Variants in CDK15 observed in about 807,000 individuals in gnomAD.
CDK15 encodes cyclin dependent kinase 15.
In CDK15, 62 loss-of-function variants were observed where a neutral mutation model predicts 60.3. That is an observed-to-expected ratio of 1.03 (90% CI 0.84 to 1.27). The LOEUF is 1.27. Ranked by LOEUF, CDK15 falls within the 50% of genes most tolerant of loss-of-function variation. CDK15 has a pLI of 0.00. For synonymous variants in CDK15, 194 were observed against 195.7 expected, an observed-to-expected ratio of 0.99 and a Z score of 0.07; for missense variants, 541 against 527.8, an observed-to-expected ratio of 1.03 and a Z score of -0.25.
At position 201,830,770 on chromosome 2, in the gene CDK15, G is replaced by C. The variant is rs532947621; in HGVS notation, c.607-3078G>C. ...GTGGCTGGATGGCATTAAAATCCAA[G>C]GGACAGGGGTTTTTACTTAAAAGTA... On this transcript the variant is annotated intron_variant, in intron 6 of 13. Transcript: ENST00000652192. 2.6e-5 allele frequency among the ~76,000 whole-genome samples: 4 copies of C among 152,306 alleles called. No homozygotes were observed. In the East Asian group the frequency reaches 7.7e-4, roughly 29 times the overall value.
chr2:201,831,231 G>T (rs1696738181), intron 6 of CDK15, among the ~76,000 whole-genome samples: 1 of 152,202 alleles, frequency 6.6e-6, no homozygotes, highest in African/African-American at 2.4e-5. Context: ...TTCCAGGGGG[G>T]ATGGAAGGAC....
intron 9 of CDK15, among the ~76,000 whole-genome samples, chr2:201,849,579 G>C (rs1235686500): frequency 6.6e-6 from 1 of 152,092 alleles, no homozygotes; most frequent in Non-Finnish European, 1.5e-5. Context: ...AAAAACACAT[G>C]ATCTGTATTT....
chr2:201,878,119 C>T (rs572947217), intron 11 of CDK15, among the ~76,000 whole-genome samples: 122 of 152,334 alleles, frequency 8.0e-4, no homozygotes, highest in Non-Finnish European at 1.4e-3. Context: ...ACATCAGTCC[C>T]ATGATCAGCT....
At chr2:201,812,184 A>C (rs544111928) in intron 3 of CDK15, among the ~76,000 whole-genome samples, 6,095 of 148,712 alleles carry the variant, frequency 0.041, 221 homozygotes, top group African/African-American at 0.082. Context: ...AAAAAAAAAA[A>C]AAAAAAACAA....
At chr2:201,885,795 A>G (rs977357978) in intron 12 of CDK15, among the ~76,000 whole-genome samples, 1 of 152,234 alleles carries the variant, frequency 6.6e-6, no homozygotes, top group Non-Finnish European at 1.5e-5. Context: ...ACTGATGCCC[A>G]GGGAAGAATA....
intron 10 of CDK15, among the ~76,000 whole-genome samples, chr2:201,857,724 G>C (rs1027569229): frequency 1.3e-5 from 2 of 152,108 alleles, no homozygotes; most frequent in Non-Finnish European, 2.9e-5. Context: ...TTGGGCCATG[G>C]GGTCAGTATT....
At chr2:201,836,006 ATTTTTATATTTT>A (rs1559125982) in intron 8 of CDK15, among the ~76,000 whole-genome samples, 8 of 84,208 alleles carry the variant, frequency 9.5e-5, no homozygotes, top group Non-Finnish European at 1.9e-4. Flanking sequence ...ATATATTTAT[ATTTTTATATTTT>A]TATATATTTA....
chr2:201,878,831 C>T (rs1699174740), intron 11 of CDK15, among the ~76,000 whole-genome samples: 1 of 152,248 alleles, frequency 6.6e-6, no homozygotes, highest in African/African-American at 2.4e-5. Context: ...CAAAAGGGCT[C>T]TCTCAAGCCT....
intron 12 of CDK15, chr2:201,889,579 A>C (rs1699571631): frequency 4.1e-6 from 1 of 241,354 alleles, no homozygotes; most frequent in Non-Finnish European, 6.7e-6. Flanking sequence ...TTGTAGCTTT[A>C]GTGTAGTGAG....
At chr2:201,819,312 T>C (rs568191144) in intron 4 of CDK15, among the ~76,000 whole-genome samples, 1 of 152,146 alleles carries the variant, frequency 6.6e-6, no homozygotes, top group Admixed American at 6.5e-5. Flanking sequence ...CATTGGCAAG[T>C]GTAAAATCCT....
intron 9 of CDK15, among the ~76,000 whole-genome samples, chr2:201,848,752 G>A (rs1001672468): frequency 2.6e-5 from 4 of 152,076 alleles, no homozygotes; most frequent in Non-Finnish European, 5.9e-5. Flanking sequence ...GTGCAGGGGG[G>A]TACTTTATTA....
chr2:201,874,812 A>C (rs1390822832), intron 11 of CDK15, among the ~76,000 whole-genome samples: 2 of 152,142 alleles, frequency 1.3e-5, no homozygotes, highest in African/African-American at 4.8e-5. Context: ...TATTGGATGT[A>C]TTTCTGACTG....
At chr2:201,869,498 T>C (rs1472201428) in intron 10 of CDK15, among the ~76,000 whole-genome samples, 1 of 151,756 alleles carries the variant, frequency 6.6e-6, no homozygotes, top group African/African-American at 2.4e-5. Flanking sequence ...CTGCAGGTTG[T>C]GCACCTGTAC....
intron 10 of CDK15, among the ~76,000 whole-genome samples, chr2:201,869,900 G>T (rs1193473437): frequency 6.6e-6 from 1 of 152,208 alleles, no homozygotes; most frequent in Non-Finnish European, 1.5e-5. Context: ...GGTTTGAAGA[G>T]AAACATACTA....
chr2:201,858,729 G>GA (rs1698252466), intron 10 of CDK15, among the ~76,000 whole-genome samples: 1 of 152,080 alleles, frequency 6.6e-6, no homozygotes, highest in African/African-American at 2.4e-5. Flanking sequence ...CCTGGAACGT[G>GA]AACTCCATCT....
intron 4 of CDK15, among the ~76,000 whole-genome samples, chr2:201,815,896 G>A (rs1695970023): frequency 6.6e-6 from 1 of 152,108 alleles, no homozygotes; most frequent in Non-Finnish European, 1.5e-5. Context: ...TAGAGATAAA[G>A]AAATTCTAGC....
chr2:201,883,306 C>A (rs1045761556), intron 12 of CDK15, among the ~76,000 whole-genome samples: 4 of 152,088 alleles, frequency 2.6e-5, no homozygotes, highest in African/African-American at 9.7e-5. Context: ...AAGCATAAAG[C>A]CTGGGACTGG....
rs2105817969 is a variant in CDK15 at position 201,872,323 on chromosome 2, A to G, written c.1055A>G (p.Asn352Ser). 6.2e-7 allele frequency: 1 copy of G among 1,613,884 alleles called. No individual in the cohort carries two copies. Among genetic ancestry groups the G allele is most frequent in the Non-Finnish European group, 8.5e-7 (1 of 1,179,836 alleles). ...CCTCGAAGCCTTCATGTTGTCTGGAACAGGTGAGTACTACCTCAGGAAGGG... is the reference window on the plus strand; with the variant it reads ...CCTCGAAGCCTTCATGTTGTCTGGAGCAGGTGAGTACTACCTCAGGAAGGG... ...PTPRSLHVVW[N>S]RLGRVPEAED... is the part of the protein sequence containing the mutation. The change falls in exon 11 of 14, where the codon AAC becomes AGC. Residue 352 changes from asparagine to serine, a missense_variant. Transcript: ENST00000652192.
At chr2:201,836,673 C>T (rs1697105112) in intron 8 of CDK15, among the ~76,000 whole-genome samples, 1 of 151,398 alleles carries the variant, frequency 6.6e-6, no homozygotes, top group Admixed American at 6.6e-5. Context: ...ACACCTTATC[C>T]ACAGAGAAAC....
Sources: allele counts gnomAD v4.1 joint callset (sites outside exome capture counted in the v4.1 genomes callset), GRCh38; gene constraint gnomAD v4.1.1; transcripts MANE v1.5; gene names NCBI Gene and HGNC (gene_info 2026-07-23, HGNC 2026-07-21).